The following NDUFAF6 variants were observed in gnomAD, a reference collection of about 807,000 sequenced individuals.
NDUFAF6 encodes NADH dehydrogenase (ubiquinone) complex I, assembly factor 6.
In NDUFAF6, 45 loss-of-function variants were observed where a neutral mutation model predicts 40.8. The ratio of observed to expected loss-of-function variants is 1.10; its 90% CI spans 0.87 to 1.42. NDUFAF6 has a LOEUF of 1.42. Ranked by LOEUF, NDUFAF6 falls within the 40% of genes most tolerant of loss-of-function variation. NDUFAF6 has a pLI of 0.00. For missense variants in NDUFAF6, 435 were observed against 418.5 expected, an observed-to-expected ratio of 1.04 and a Z score of -0.34; for synonymous variants, 185 against 155.9, an observed-to-expected ratio of 1.19 and a Z score of -1.39.
At chr8:95,013,432 C>T (rs1198854264) in intron 2 of NDUFAF6, among the ~76,000 whole-genome samples, 1 of 152,222 alleles carries the variant, frequency 6.6e-6, no homozygotes, top group African/African-American at 2.4e-5. Context: ...TTGATCTCCA[C>T]TGAGCCTTTA....
Position 95,048,530 on chromosome 8 carries a change from C to T in NDUFAF6, c.788C>T (p.Ala263Val), listed in dbSNP as rs1192276677. 9.3e-6 allele frequency: 15 copies of T among 1,614,022 alleles called. No homozygotes were observed. The highest frequency in any genetic ancestry group is 1.3e-5 in the Non-Finnish European group (15 of 1,179,922). The change falls in exon 7 of 9, where the codon GCC becomes GTC. Residue 263 changes from alanine (A) to valine (V), a missense_variant. By Grantham distance (64) the Ala-to-Val change is moderately conservative. Transcript: ENST00000396124. ...GTGAGAGATGTAATATATGACATTGCCAGTCAAGCACACTTGCACCTAAAG... is the reference window on the plus strand; with the variant it reads ...GTGAGAGATGTAATATATGACATTGTCAGTCAAGCACACTTGCACCTAAAG... ...KNVRDVIYDI[A>V]SQAHLHLKHA...
At chr8:95,033,341 G>C (rs2122959) in intron 2 of NDUFAF6, among the ~76,000 whole-genome samples, 45,324 of 152,072 alleles carry the variant, frequency 0.3, 7,208 homozygotes, top group Non-Finnish European at 0.36. Flanking sequence ...ACTGCACCCA[G>C]TCAATACAAT....
downstream of NDUFAF6, among the ~76,000 whole-genome samples, chr8:95,077,015 T>A (rs1716878967): frequency 6.6e-6 from 1 of 152,108 alleles, no homozygotes. Context: ...TGGGCCCTAA[T>A]CCACTATAAC....
intron 2 of NDUFAF6, among the ~76,000 whole-genome samples, chr8:95,002,605 T>C (rs140451206): frequency 0.01 from 1,541 of 152,298 alleles, 28 homozygotes; most frequent in African/African-American, 0.035. Flanking sequence ...TTCAGTAAAA[T>C]TGTTTTTAGT....
At chr8:94,905,212 TTTC>T (rs898257177) in intron 1 of NDUFAF6, among the ~76,000 whole-genome samples, 5 of 152,026 alleles carry the variant, frequency 3.3e-5, no homozygotes, top group Middle Eastern at 3.2e-3. Context: ...AAAAAATTTT[TTTC>T]TTCTTCTTTG....
At chr8:95,040,265 T>C (rs2131843569) in intron 3 of NDUFAF6, among the ~76,000 whole-genome samples, 1 of 152,358 alleles carries the variant, frequency 6.6e-6, no homozygotes, top group African/African-American at 2.4e-5. Context: ...GCAGCCATAC[T>C]TCATAGGTGG....
intron 1 of NDUFAF6, among the ~76,000 whole-genome samples, chr8:94,962,616 GT>G (rs1289805308): frequency 3.2e-4 from 31 of 97,650 alleles, no homozygotes; most frequent in East Asian, 4.5e-4. Flanking sequence ...TTTGTTTTTT[GT>G]TTTTTTTTTT....
intron 2 of NDUFAF6, among the ~76,000 whole-genome samples, chr8:95,009,087 C>G (rs1417080422): frequency 6.6e-6 from 1 of 151,790 alleles, no homozygotes; most frequent in Non-Finnish European, 1.5e-5. Flanking sequence ...GTAGTTCCAG[C>G]TACTTGGGAA....
upstream of NDUFAF6, chr8:95,023,055 C>A (rs1361035460): frequency 6.6e-6 from 1 of 152,206 alleles, no homozygotes; most frequent in East Asian, 1.9e-4. Flanking sequence ...TGTTTCTTGT[C>A]TTTTTCTTAT....
chr8:95,080,313 G>A (rs1405288370), downstream of NDUFAF6, among the ~76,000 whole-genome samples: 1 of 101,518 alleles, frequency 9.9e-6, no homozygotes, highest in Non-Finnish European at 2.0e-5. Context: ...TGATTTTTTG[G>A]TAGTGTATTT....
At chr8:95,081,571 G>C (rs1194159335) in intron 2 of NDUFAF6, among the ~76,000 whole-genome samples, 3 of 152,126 alleles carry the variant, frequency 2.0e-5, no homozygotes, top group African/African-American at 7.2e-5. Flanking sequence ...AATGATGAAG[G>C]ATGATGGTAG....
intron 2 of NDUFAF6, among the ~76,000 whole-genome samples, chr8:94,949,854 T>C (rs993007578): frequency 6.6e-6 from 1 of 152,072 alleles, no homozygotes; most frequent in Non-Finnish European, 1.5e-5. Flanking sequence ...GGCTAACGCC[T>C]CCGAGAGCCC....
chr8:94,930,016 G>A (rs896849), intron 1 of NDUFAF6: 119,628 of 154,124 alleles, frequency 0.78, 47,929 homozygotes, highest in East Asian at 0.89. Flanking sequence ...ATGTTAGTGT[G>A]TAAAAATGTA....
At chr8:95,018,327 A>G (rs1332374545) in intron 2 of NDUFAF6, among the ~76,000 whole-genome samples, 1 of 151,864 alleles carries the variant, frequency 6.6e-6, no homozygotes, top group Non-Finnish European at 1.5e-5. Flanking sequence ...GTGAGCTACC[A>G]CACCTGGCCT....
intron 2 of NDUFAF6, chr8:94,950,939 T>A (rs1822554071): frequency 6.6e-6 from 1 of 152,202 alleles, no homozygotes; most frequent in East Asian, 1.9e-4. Flanking sequence ...AAATTCAATA[T>A]GAAGTAGATC....
chr8:95,062,156 CAAAA>C (rs772221046), downstream of NDUFAF6, among the ~76,000 whole-genome samples: 2 of 110,672 alleles, frequency 1.8e-5, no homozygotes, highest in African/African-American at 3.2e-5. Context: ...GACCGTGGCT[CAAAA>C]AAAAAAAAAA....
At chr8:95,056,229 ATTG>A (rs1193480616) in intron 8 of NDUFAF6, among the ~76,000 whole-genome samples, 2 of 148,780 alleles carry the variant, frequency 1.3e-5, no homozygotes, top group African/African-American at 5.0e-5. Context: ...GAATTTCTGG[ATTG>A]TTTTTTTTTT....
At chr8:95,018,604 A>G (rs980717076) in intron 2 of NDUFAF6, among the ~76,000 whole-genome samples, 4 of 151,952 alleles carry the variant, frequency 2.6e-5, no homozygotes, top group Non-Finnish European at 5.9e-5. Context: ...TGGGGGTGGG[A>G]AGAGGGGGTG....
At chr8:94,954,701 G>A (rs1207530075), upstream of NDUFAF6, among the ~76,000 whole-genome samples, 1 of 152,172 alleles carries the variant, frequency 6.6e-6, no homozygotes, top group African/African-American at 2.4e-5. Context: ...GAGCAGTGCT[G>A]TTCTCAGGCT....
Sources: allele counts gnomAD v4.1 joint callset (sites outside exome capture counted in the v4.1 genomes callset), GRCh38; gene constraint gnomAD v4.1.1; transcripts MANE v1.5; gene names NCBI Gene and HGNC (gene_info 2026-07-23, HGNC 2026-07-21).